The following ZNF782 variants were observed in gnomAD, a reference collection of about 807,000 sequenced individuals.
ZNF782 encodes the protein zinc finger protein 782.
In ZNF782, 12 loss-of-function variants were observed where a neutral mutation model predicts 13.0. The ratio of observed to expected loss-of-function variants is 0.92; its 90% CI spans 0.59 to 1.50. ZNF782 has a LOEUF of 1.50. Among genes scored for constraint, ZNF782 ranks in the 40% most tolerant of loss-of-function variants. The pLI, the probability that ZNF782 is intolerant of heterozygous loss-of-function variation, is 0.00. For missense variants in ZNF782, 770 were observed against 822.9 expected (o/e 0.94, Z 0.79); for synonymous variants, 284 against 283.0 (o/e 1.00, Z -0.04).
intron 4 of ZNF782, among the ~76,000 whole-genome samples, chr9:96,838,781 T>C (rs1851088559): frequency 1.3e-5 from 2 of 151,214 alleles, no homozygotes; most frequent in African/African-American, 4.9e-5. Context: ...AGTGGAGTGA[T>C]CTTGGCTCAC....
chr9:96,843,730 A>G (rs565452949), intron 4 of ZNF782, among the ~76,000 whole-genome samples: 1 of 152,332 alleles, frequency 6.6e-6, no homozygotes, highest in South Asian at 2.1e-4. Flanking sequence ...GGGGTAAGCT[A>G]AAGTGAGGAC....
In ZNF782 at chr9:96,818,627, T is replaced by C. The variant is rs775795811; in HGVS notation, c.1396A>G (p.Ile466Val). ...GKSFNYKSIL[I>V]VHQRTHTGEK... ...CCTGTGTGAGTTCTCTGATGCACTA[T>C]GAGGATTGACTTATAGTTAAAAGAT... Residue 466 changes from isoleucine to valine, a missense_variant, in exon 6 of 6, where the codon ATA (isoleucine) becomes GTA (valine). Ile to Val is a conservative substitution (Grantham distance 29, BLOSUM62 3). Transcript: ENST00000481138. 4 of 1,614,078 alleles carry C rather than the reference T, an allele frequency of 2.5e-6. No homozygotes were observed. The highest frequency in any genetic ancestry group is 3.3e-5 in the Admixed American group (2 of 60,012).
chr9:96,933,031 G>A, the ZNF782 span, among the ~76,000 whole-genome samples: 1 of 148,580 alleles, frequency 6.7e-6, no homozygotes, highest in Non-Finnish European at 1.5e-5. Flanking sequence ...AGGGTGGAGA[G>A]CAGTGGCGTG....
At chr9:96,874,711 G>T (rs1357152500) in intron 1 of ZNF782, among the ~76,000 whole-genome samples, 1 of 152,224 alleles carries the variant, frequency 6.6e-6, no homozygotes, top group African/African-American at 2.4e-5. Context: ...GGTCAGAGGG[G>T]TGTTCTCTTT....
chr9:96,927,463 A>C, the ZNF782 span, among the ~76,000 whole-genome samples: 1 of 151,952 alleles, frequency 6.6e-6, no homozygotes, highest in Non-Finnish European at 1.5e-5. Context: ...ACTTCCTTTC[A>C]TCAAATCAGC....
In ZNF782 at chr9:96,818,268, A is replaced by G; in HGVS notation, c.1755T>C (p.Thr585=). The change falls in exon 6 of 6, where the codon ACT becomes ACC. Residue 585 remains threonine, a synonymous_variant. Coordinates refer to ENST00000481138, the MANE Select transcript of ZNF782 (RefSeq NM_001001662.3). ...CCTCACATTGATAGGGTTTCTCCCC[A>G]GTATGAGTTCTGTGATGTACTCTGA... is the stretch of plus-strand genomic sequence containing the variant. The part of the protein sequence containing the change: ...SNLRVHHRTH[T]GEKPYQCEEC... 1.2e-6 allele frequency: 2 copies of G among 1,609,070 alleles called. No homozygotes were observed. The highest frequency in any genetic ancestry group is 1.7e-6 in the Non-Finnish European group (2 of 1,178,384).
At position 96,818,796 on chromosome 9, in the gene ZNF782, T is replaced by C. The variant is rs1177190021; in HGVS notation, c.1227A>G (p.Leu409=). 1.2e-6 allele frequency: 2 copies of C among 1,613,408 alleles called. No homozygotes were observed. Among genetic ancestry groups the C allele is most frequent in the Non-Finnish European group, 8.5e-7 (1 of 1,179,840 alleles). ...CCGTGTGAGTTCTCTGATGTTTTCT[T>C]AGGCGTGACTTCTCACTGAAGGCTT... The part of the protein sequence containing the change: ...CGKAFSEKSR[L]RKHQRTHTGE... The change falls in exon 6 of 6, where the codon CTA becomes CTG. Residue 409 remains leucine (L), a synonymous_variant. Transcript: ENST00000481138.
chr9:96,858,977 AG>A (rs1357437817), upstream of ZNF782, among the ~76,000 whole-genome samples: 1 of 151,936 alleles, frequency 6.6e-6, no homozygotes, highest in Admixed American at 6.6e-5. The surrounding 1 kb of genome is among the most constrained non-coding windows in gnomAD (Gnocchi z 4.4). Flanking sequence ...CCACCCACGG[AG>A]GAAACATTTA....
intron 3 of ZNF782, among the ~76,000 whole-genome samples, chr9:96,846,849 A>T (rs879406297): frequency 6.6e-6 from 1 of 152,190 alleles, no homozygotes; most frequent in South Asian, 2.1e-4. Flanking sequence ...AACTTAACAG[A>T]TATTTACAAA....
chr9:96,883,828 T>A, the ZNF782 span, among the ~76,000 whole-genome samples: 1 of 152,232 alleles, frequency 6.6e-6, no homozygotes, highest in Non-Finnish European at 1.5e-5. Context: ...CAAGAGTTGA[T>A]GAACTGCAGG....
the ZNF782 span, among the ~76,000 whole-genome samples, chr9:96,887,207 G>A: frequency 0.21 from 31,536 of 149,312 alleles, 8,449 homozygotes; most frequent in African/African-American, 0.62. Context: ...CCAGCTACTC[G>A]GGAGGCTGAG....
At chr9:96,834,941 T>C (rs1197961737) in intron 4 of ZNF782, among the ~76,000 whole-genome samples, 1 of 152,202 alleles carries the variant, frequency 6.6e-6, no homozygotes, top group African/African-American at 2.4e-5. Flanking sequence ...CAAAGGAAAC[T>C]TTCAGACTTC....
At position 96,844,941 on chromosome 9, in the gene ZNF782, T is replaced by A; in HGVS notation, c.91A>T (p.Thr31Ser). 1.2e-6 allele frequency: 2 copies of A among 1,613,858 alleles called. No homozygotes were observed. The highest frequency in any genetic ancestry group is 1.7e-6 in the Non-Finnish European group (2 of 1,179,908). The stretch of plus-strand genomic sequence containing the variant: ...TCCAGCATCACATCTCTGTACAGGG[T>A]CCTCTCAACAGGGCCCATGTGCTGC... ...EWQHMGPVER[T>S]LYRDVMLENY... Residue 31 changes from threonine (T) to serine (S), a missense_variant, in exon 4 of 6, where the codon ACC becomes TCC. Coordinates refer to ENST00000481138, the MANE Select transcript of ZNF782 (RefSeq NM_001001662.3).
At chr9:96,907,122 C>T in the ZNF782 span, among the ~76,000 whole-genome samples, 1 of 151,692 alleles carries the variant, frequency 6.6e-6, no homozygotes, top group Non-Finnish European at 1.5e-5. Context: ...CCCAAGTGTC[C>T]ATGCATGAAT....
the ZNF782 span, among the ~76,000 whole-genome samples, chr9:96,920,584 A>C: frequency 6.6e-6 from 1 of 150,572 alleles, no homozygotes; most frequent in Non-Finnish European, 1.5e-5. Flanking sequence ...TTTTTAAAAA[A>C]ATAAAACATC....
the ZNF782 span, among the ~76,000 whole-genome samples, chr9:96,884,192 T>C: frequency 6.6e-6 from 1 of 152,338 alleles, no homozygotes; most frequent in Non-Finnish European, 1.5e-5. Context: ...TGAGATTCCA[T>C]GCCTTGCCTG....
the ZNF782 span, chr9:96,889,698 G>GC: frequency 6.6e-6 from 1 of 152,146 alleles, no homozygotes; most frequent in African/African-American, 2.4e-5. Context: ...ACCGCGCCCA[G>GC]CCCCAAAACT....
rs950163413 is a variant in ZNF782, at chr9:96,818,103, G to A, written c.1920C>T (p.His640=). ...KSVLRKHQRT[H]TGEKPYNCNQ... Reference sequence around the variant, plus strand: ...TACAATTATATGGTTTCTCCCCGGTGTGAGTTCGCTGATGTTTTCTTAGGA... The same window carrying A: ...TACAATTATATGGTTTCTCCCCGGTATGAGTTCGCTGATGTTTTCTTAGGA... Residue 640 remains histidine (H), a synonymous_variant, in exon 6 of 6, where the codon CAC becomes CAT. Transcript: ENST00000481138. 6.2e-7 allele frequency: 1 copy of A among 1,613,910 alleles called. No individual in the cohort carries two copies. The highest frequency in any genetic ancestry group is 8.5e-7 in the Non-Finnish European group (1 of 1,179,970).
Position 96,819,525 on chromosome 9 carries a change from A to G in ZNF782, c.498T>C (p.Asn166=), listed in dbSNP as rs1850332812. 1 of 1,612,866 alleles carries G rather than the reference A, an allele frequency of 6.2e-7. No homozygotes were observed. The highest frequency in any genetic ancestry group is 1.3e-5 in the African/African-American group (1 of 74,806). ...TACTGATGAGCCATTTGTCACAAAC[A>G]TTACGCTCATGAGCCTTTTCTTTTG... The part of the protein sequence containing the change: ...QYSKEKAHER[N]VCDKWLISIK... The change falls in exon 6 of 6, where the codon AAT becomes AAC. Residue 166 remains asparagine, a synonymous_variant. Transcript: ENST00000481138.
Sources: allele counts gnomAD v4.1 joint callset (sites outside exome capture counted in the v4.1 genomes callset), GRCh38; gene constraint gnomAD v4.1.1; non-coding constraint Gnocchi (gnomAD v3.1); transcripts MANE v1.5; gene names NCBI Gene and HGNC (gene_info 2026-07-23, HGNC 2026-07-21).